The following MYO5B variants were observed in gnomAD, a reference collection of about 807,000 sequenced individuals.
MYO5B encodes unconventional myosin-Vb.
In MYO5B, 143 loss-of-function variants were observed where a neutral mutation model predicts 229.3. The observed-to-expected ratio is 0.62, with a 90% CI of 0.54 to 0.72. MYO5B has a LOEUF of 0.72. Among genes scored for constraint, MYO5B ranks in the 30% least tolerant of loss-of-function variants. The probability of loss-of-function intolerance (pLI) is 0.00; values close to 1 mark genes in which losing one functional copy is unlikely to be tolerated. For missense variants in MYO5B, 2,321 were observed against 2,331.0 expected (o/e 1.00, Z 0.09); for synonymous variants, 918 against 885.2 (o/e 1.04, Z -0.66).
intron 1 of MYO5B, among the ~76,000 whole-genome samples, chr18:50,060,278 G>A (rs1415174194): frequency 6.6e-6 from 1 of 152,160 alleles, no homozygotes; most frequent in Non-Finnish European, 1.5e-5. Flanking sequence ...ACTAGTCTAT[G>A]AAAAAGCAGT....
At position 50,134,503 on chromosome 18, in the gene MYO5B, C is replaced by T. The variant is rs373942979; in HGVS notation, c.27+60264G>A. Reference sequence around the variant, plus strand: ...CCAGGAGGCGGAGGTTGCAGTGAGCCGAGATCGCGCCATTGCACTCCAGCC... The same window carrying T: ...CCAGGAGGCGGAGGTTGCAGTGAGCTGAGATCGCGCCATTGCACTCCAGCC... On this transcript the variant is annotated intron_variant, in intron 1 of 39. Transcript: ENST00000285039. Among the ~76,000 whole-genome samples, 212 of 151,496 alleles carry T rather than the reference C, an allele frequency of 1.4e-3. No individual in the cohort carries two copies. The Middle Eastern group carries it at 0.024, about 17-fold the overall frequency.
At chr18:49,853,809 C>T (rs1230146620) in intron 30 of MYO5B, among the ~76,000 whole-genome samples, 162 bp from the exon 31 acceptor site, 2 of 152,244 alleles carry the variant, frequency 1.3e-5, no homozygotes, top group Non-Finnish European at 2.9e-5. Flanking sequence ...CCATGGGGAC[C>T]ACAAGGCAAG....
chr18:49,929,943 T>A (rs1442965076), intron 16 of MYO5B, among the ~76,000 whole-genome samples: 1 of 152,182 alleles, frequency 6.6e-6, no homozygotes, highest in Non-Finnish European at 1.5e-5. Flanking sequence ...TCTTACTGTT[T>A]TTATCCACAA....
chr18:49,917,328 T>C (rs1416267242), intron 17 of MYO5B, among the ~76,000 whole-genome samples: 4 of 152,234 alleles, frequency 2.6e-5, no homozygotes, highest in African/African-American at 9.6e-5. Context: ...CCTACCAGTG[T>C]TTCTCACAGA....
At chr18:50,153,698 C>A (rs1449769129) in intron 1 of MYO5B, among the ~76,000 whole-genome samples, 3 of 152,216 alleles carry the variant, frequency 2.0e-5, no homozygotes, top group Admixed American at 2.0e-4. Flanking sequence ...GATCTGCCCG[C>A]CTCAGCCTCC....
intron 38 of MYO5B, 70 bp from the exon 39 acceptor site, chr18:49,835,494 A>G: frequency 1.1e-6 from 1 of 938,324 alleles, no homozygotes; most frequent in Non-Finnish European, 1.8e-6. Flanking sequence ...ACTTTAAAGA[A>G]TATGTGACAT....
intron 21 of MYO5B, among the ~76,000 whole-genome samples, chr18:49,901,300 A>C (rs1031190577): frequency 7.9e-5 from 12 of 152,208 alleles, no homozygotes; most frequent in Non-Finnish European, 1.5e-4. Flanking sequence ...GCCACCAAAA[A>C]GTGGGGGTCC....
rs548366771 is a variant in MYO5B, at chr18:50,194,627, G to C, written c.27+140C>G. The C allele has an allele frequency of 3.6e-4, 209 of 579,582 alleles. No individual in the cohort carries two copies. The African/African-American group carries it at 3.9e-3, about 11-fold the overall frequency. 35.9% of individuals were successfully genotyped at this position (579,582 alleles called of 1,614,324 possible). A position where few individuals can be genotyped will look rare whatever the true frequency, so the allele number is the denominator to read the frequency against. ...ACCGAAGTTAGGGACTCCGAGGACA[G>C]TGACGAGGAGGACACCGCGGAGGGG... On this transcript the variant is annotated intron_variant, in intron 1 of 39. Transcript: ENST00000285039.
At chr18:50,010,675 G>A (rs866143824) in intron 4 of MYO5B, among the ~76,000 whole-genome samples, 1 of 152,166 alleles carries the variant, frequency 6.6e-6, no homozygotes, top group African/African-American at 2.4e-5. Flanking sequence ...ACAGAGGCAC[G>A]TGTTTCCTGT....
intron 1 of MYO5B, among the ~76,000 whole-genome samples, chr18:50,091,009 C>T (rs1244669677): frequency 6.6e-6 from 1 of 152,202 alleles, no homozygotes; most frequent in African/African-American, 2.4e-5. Flanking sequence ...TGAAGAAGTT[C>T]ATTTTAAGTT....
intron 4 of MYO5B, among the ~76,000 whole-genome samples, chr18:50,023,765 G>A (rs188209722): frequency 3.9e-5 from 6 of 152,186 alleles, no homozygotes; most frequent in Non-Finnish European, 5.9e-5. Flanking sequence ...GTAGCAGGGC[G>A]GCTGGTATCT....
intron 1 of MYO5B, among the ~76,000 whole-genome samples, chr18:50,106,384 C>G (rs1259306565): frequency 6.6e-6 from 1 of 152,202 alleles, no homozygotes; most frequent in Non-Finnish European, 1.5e-5. Context: ...AGATGCCCTC[C>G]TCACTGTTCT....
At chr18:49,955,332 T>C (rs1257619502) in intron 12 of MYO5B, among the ~76,000 whole-genome samples, 2 of 152,228 alleles carry the variant, frequency 1.3e-5, no homozygotes, top group Non-Finnish European at 2.9e-5. Context: ...ACCACTCAAA[T>C]TGTCAAGGAT....
At chr18:50,055,899 G>T (rs907840101) in intron 1 of MYO5B, among the ~76,000 whole-genome samples, 1 of 152,168 alleles carries the variant, frequency 6.6e-6, no homozygotes, top group Non-Finnish European at 1.5e-5. Context: ...CAAGTTGTCA[G>T]CCACTTGAAT....
intron 4 of MYO5B, among the ~76,000 whole-genome samples, chr18:50,026,391 T>C (rs2026331646): frequency 6.6e-6 from 1 of 152,268 alleles, no homozygotes; most frequent in Admixed American, 6.5e-5. Flanking sequence ...TCACTCTAAC[T>C]GTAGAACTGA....
chr18:50,012,068 C>T (rs553205336), intron 4 of MYO5B, among the ~76,000 whole-genome samples: 20 of 151,788 alleles, frequency 1.3e-4, no homozygotes, highest in African/African-American at 3.7e-4. Context: ...AAGAAGTGCT[C>T]GTGGAGCTTA....
At chr18:49,968,390 C>CTGTA (rs1469805167) in intron 10 of MYO5B, among the ~76,000 whole-genome samples, 1 of 152,254 alleles carries the variant, frequency 6.6e-6, no homozygotes, top group Non-Finnish European at 1.5e-5. Flanking sequence ...ACCTTCTAAG[C>CTGTA]TGTATGTCTA....
At chr18:49,965,317 T>C (rs1233761316) in intron 10 of MYO5B, among the ~76,000 whole-genome samples, 2 of 152,202 alleles carry the variant, frequency 1.3e-5, no homozygotes, top group African/African-American at 2.4e-5. Flanking sequence ...TAGCTACAAA[T>C]GCTTGCAGCC....
At chr18:49,928,616 C>G (rs1307370447) in intron 17 of MYO5B, among the ~76,000 whole-genome samples, 1 of 152,194 alleles carries the variant, frequency 6.6e-6, no homozygotes, top group East Asian at 1.9e-4. Flanking sequence ...TGCACTCCCA[C>G]TATTGGGTAT....
Sources: gnomAD v4.1 joint callset for allele counts (sites outside exome capture counted in the v4.1 genomes callset) on GRCh38, gnomAD v4.1.1 for gene constraint, MANE v1.5 for transcripts, NCBI Gene and HGNC (gene_info 2026-07-23, HGNC 2026-07-21) for gene names.